The following MET variants were observed in gnomAD, a reference collection of about 807,000 sequenced individuals.
MET encodes hepatocyte growth factor receptor.
In MET, 48 loss-of-function variants were observed where a neutral mutation model predicts 133.1. The ratio of observed to expected loss-of-function variants is 0.36; its 90% CI spans 0.29 to 0.46. The LOEUF (loss-of-function observed/expected upper bound fraction) is 0.46, where lower values mean the gene tolerates loss of function less well. Ranked by LOEUF, MET falls within the 20% of genes least tolerant of loss-of-function variation. The probability of loss-of-function intolerance (pLI) is 1.00; values close to 1 mark genes in which losing one functional copy is unlikely to be tolerated. For synonymous variants in MET, 628 were observed against 616.5 expected (o/e 1.02, Z -0.28); for missense variants, 1,442 against 1,695.9 (o/e 0.85, Z 2.63).
chr7:116,712,963 G>T (rs1221519846), intron 2 of MET, among the ~76,000 whole-genome samples: 4 of 152,128 alleles, frequency 2.6e-5, no homozygotes, highest in Non-Finnish European at 4.4e-5. Context: ...CTGTAAGAGG[G>T]ACTTTACGCA....
chr7:116,690,630 A>G (rs1392176735), intron 1 of MET, among the ~76,000 whole-genome samples: 1 of 152,244 alleles, frequency 6.6e-6, no homozygotes, highest in East Asian at 1.9e-4. Context: ...TGATCATAAC[A>G]CTAACTGTTA....
chr7:116,768,587 A>T (rs935031783), intron 11 of MET, among the ~76,000 whole-genome samples: 8 of 152,208 alleles, frequency 5.3e-5, no homozygotes, highest in Admixed American at 2.0e-4. Flanking sequence ...CTTTTCCTAG[A>T]ATAATAACTG....
chr7:116,743,051 G>T (rs558691310), intron 5 of MET, among the ~76,000 whole-genome samples: 1 of 152,340 alleles, frequency 6.6e-6, no homozygotes, highest in Non-Finnish European at 1.5e-5. Flanking sequence ...ATCTCATTGG[G>T]ACTGGTTAGA....
chr7:116,773,950 A>G (rs1353095486), intron 14 of MET, among the ~76,000 whole-genome samples: 1 of 152,166 alleles, frequency 6.6e-6, no homozygotes, highest in African/African-American at 2.4e-5. Context: ...GCTAATGAGG[A>G]ACCCCCACAT....
chr7:116,775,191 T>C, intron 15 of MET, 80 bp downstream of exon 15: 1 of 1,336,912 alleles, frequency 7.5e-7, no homozygotes, highest in Non-Finnish European at 1.1e-6. Flanking sequence ...GATTAGGAAC[T>C]TAGACAATGG....
intron 2 of MET, among the ~76,000 whole-genome samples, chr7:116,727,644 C>T (rs574678876): frequency 1.2e-4 from 18 of 152,284 alleles, no homozygotes; most frequent in Middle Eastern, 6.8e-3. Context: ...CTCAGTTTTA[C>T]CCTAAGACAC....
intron 1 of MET, among the ~76,000 whole-genome samples, chr7:116,680,767 C>A (rs935526911): frequency 5.9e-5 from 9 of 152,024 alleles, no homozygotes; most frequent in African/African-American, 2.2e-4. Flanking sequence ...CATAGCAAAA[C>A]CCCCCTCTTA....
chr7:116,754,983 G>GGAAAGAAAGAAAGAAAGAGA (rs1794104712), intron 5 of MET, among the ~76,000 whole-genome samples: 1 of 78,632 alleles, frequency 1.3e-5, no homozygotes, highest in East Asian at 4.3e-4. Context: ...AGCAGAGAAA[G>GGAAAGAAAGAAAGAAAGAGA]GAAAGAAAGA....
chr7:116,752,227 A>T (rs1307883185), intron 5 of MET, among the ~76,000 whole-genome samples: 2 of 152,174 alleles, frequency 1.3e-5, no homozygotes. Context: ...AGAGGAAAGG[A>T]GACCCCTTTT....
intron 2 of MET, among the ~76,000 whole-genome samples, chr7:116,704,414 A>G (rs1253403984): frequency 6.6e-6 from 1 of 152,122 alleles, no homozygotes; most frequent in Non-Finnish European, 1.5e-5. Flanking sequence ...CAAGTATATT[A>G]ATAACATCTG....
At chr7:116,716,962 C>A (rs186496275) in intron 2 of MET, among the ~76,000 whole-genome samples, 1 of 152,198 alleles carries the variant, frequency 6.6e-6, no homozygotes, top group Non-Finnish European at 1.5e-5. Context: ...TTTTGCCCCC[C>A]CCAGCTTTGC....
At position 116,699,675 on chromosome 7, in the gene MET, A is replaced by G. The variant is rs2116592752; in HGVS notation, c.591A>G (p.Val197=). 6.2e-7 allele frequency: 1 copy of G among 1,614,060 alleles called. No individual in the cohort carries two copies. The highest frequency in any genetic ancestry group is 8.5e-7 in the Non-Finnish European group (1 of 1,179,974). The change falls in exon 2 of 21, where the codon GTA becomes GTG. Residue 197 remains valine, a synonymous_variant. Coordinates refer to ENST00000397752, the MANE Select transcript of MET (RefSeq NM_000245.4). ...AGGACCGGTTCATCAACTTCTTTGTAGGCAATACCATAAATTCTTCTTATT... is the reference window on the plus strand; with the variant it reads ...AGGACCGGTTCATCAACTTCTTTGTGGGCAATACCATAAATTCTTCTTATT... ...SVKDRFINFF[V]GNTINSSYFP...
chr7:116,716,034 A>G (rs1343762424), intron 2 of MET, among the ~76,000 whole-genome samples: 1 of 152,072 alleles, frequency 6.6e-6, no homozygotes, highest in Admixed American at 6.6e-5. Context: ...AAGGATTGCT[A>G]GAGCCTGTGA....
rs563599359 is a variant in MET at position 116,708,752 on chromosome 7, C to T, written c.1200+8468C>T. Among the ~76,000 whole-genome samples the T allele has an allele frequency of 1.3e-4, 20 of 152,196 alleles. No homozygotes were observed. The South Asian group carries it at 1.9e-3, about 14-fold the overall frequency. The stretch of plus-strand genomic sequence containing the variant: ...CTTACATAGGCCAGGTTGTTTCTTC[C>T]TTGTTTCCCTCTTCTTCCTTCTATG... On this transcript the variant is annotated intron_variant, in intron 2 of 20. Coordinates refer to ENST00000397752, the MANE Select transcript of MET (RefSeq NM_000245.4).
At chr7:116,712,463 C>T (rs1239783995) in intron 2 of MET, among the ~76,000 whole-genome samples, 1 of 152,192 alleles carries the variant, frequency 6.6e-6, no homozygotes, top group Non-Finnish European at 1.5e-5. Flanking sequence ...ATAGCTTGAA[C>T]AATATATACA....
chr7:116,700,034 T>C lies in MET; in HGVS notation c.950T>C (p.Leu317Pro), dbSNP rs1300961648. The change falls in exon 2 of 21, where the codon CTT becomes CCT. Residue 317 changes from leucine (L) to proline (P), a missense_variant. This residue lies in a region of MET where 762 missense variants were observed against 792.4 expected (regional missense o/e 0.96). Coordinates refer to ENST00000397752, the MANE Select transcript of MET (RefSeq NM_000245.4). ...RSTKKEVFNI[L>P]QAAYVSKPGA... ...ACAAAGAAGGAAGTGTTTAATATAC[T>C]TCAGGCTGCGTATGTCAGCAAGCCT... 1.2e-6 allele frequency: 2 copies of C among 1,614,028 alleles called. No individual in the cohort carries two copies. The highest frequency in any genetic ancestry group is 4.5e-5 in the East Asian group (2 of 44,882).
intron 2 of MET, among the ~76,000 whole-genome samples, chr7:116,710,531 T>C (rs991491791): frequency 2.0e-5 from 3 of 152,154 alleles, no homozygotes; most frequent in Admixed American, 2.0e-4. Context: ...GGTAGCATAA[T>C]TGCCTCATGC....
At chr7:116,713,523 G>A (rs1235856921) in intron 2 of MET, among the ~76,000 whole-genome samples, 1 of 152,182 alleles carries the variant, frequency 6.6e-6, no homozygotes, top group African/African-American at 2.4e-5. Flanking sequence ...GGTACAGAGA[G>A]AAGCTTTCCT....
intron 2 of MET, among the ~76,000 whole-genome samples, chr7:116,710,600 G>A (rs929945796): frequency 1.3e-5 from 2 of 151,804 alleles, no homozygotes; most frequent in Non-Finnish European, 2.9e-5. Flanking sequence ...TGTTGACCTC[G>A]GTACTGAAAT....
Sources: gnomAD v4.1 joint callset for allele counts (sites outside exome capture counted in the v4.1 genomes callset) on GRCh38, gnomAD v4.1.1 for gene constraint, gnomAD v4.1.1 regional missense constraint, MANE v1.5 for transcripts, NCBI Gene and HGNC (gene_info 2026-07-23, HGNC 2026-07-21) for gene names.